CTNND2: variants seen among roughly 807,000 people sequenced by gnomAD.
The protein encoded by CTNND2 is catenin delta 2, also known as catenin delta-2.
CTNND2 carries 22 observed loss-of-function variants against 144.4 expected under a neutral mutation model. The ratio of observed to expected loss-of-function variants is 0.15; its 90% confidence interval spans 0.11 to 0.22. CTNND2 has a LOEUF of 0.22. Ranked by LOEUF, CTNND2 falls within the 10% of genes least tolerant of loss-of-function variation. The pLI, the probability that CTNND2 is intolerant of heterozygous loss-of-function variation, is 1.00. For missense variants in CTNND2, 1,353 were observed against 1,618.8 expected (o/e 0.84, Z 2.82); for synonymous variants, 751 against 695.6 (o/e 1.08, Z -1.25).
chr5:11,778,251 T>C (rs570548217), intron 1 of CTNND2, among the ~76,000 whole-genome samples: 1 of 152,198 alleles, frequency 6.6e-6, no homozygotes, highest in Admixed American at 6.5e-5. Context: ...TCTCTCAAAA[T>C]GCACATCATG....
At chr5:11,647,622 CCTAATGTTCTCACAAA>C (rs1287997507) in intron 2 of CTNND2, among the ~76,000 whole-genome samples, 1 of 151,988 alleles carries the variant, frequency 6.6e-6, no homozygotes, top group East Asian at 1.9e-4. Flanking sequence ...AACTCACACC[CCTAATGTTCTCACAAA>C]CAATTCCTGC....
intron 18 of CTNND2, among the ~76,000 whole-genome samples, chr5:11,002,616 T>G (rs994053215): frequency 1.6e-4 from 24 of 152,174 alleles, no homozygotes; most frequent in African/African-American, 5.1e-4. Context: ...TACCAAATCC[T>G]CATTAAGGTG....
chr5:11,867,451 C>T (rs1795824900), intron 1 of CTNND2, among the ~76,000 whole-genome samples: 1 of 152,174 alleles, frequency 6.6e-6, no homozygotes, highest in African/African-American at 2.4e-5. Flanking sequence ...TTAAGATTTT[C>T]TCTCTCTTCC....
chr5:11,241,144 C>A (rs1742395417), intron 9 of CTNND2, among the ~76,000 whole-genome samples: 1 of 151,394 alleles, frequency 6.6e-6, no homozygotes, highest in African/African-American at 2.4e-5. Flanking sequence ...ACACACCCAA[C>A]ATACACTCAC....
intron 3 of CTNND2, among the ~76,000 whole-genome samples, chr5:11,522,154 T>C (rs1015062004): frequency 6.6e-6 from 1 of 152,240 alleles, no homozygotes; most frequent in African/African-American, 2.4e-5. Context: ...AGAGCACTTA[T>C]TTAATTTGGT....
At chr5:11,749,453 C>T (rs2126782245) in intron 1 of CTNND2, among the ~76,000 whole-genome samples, 1 of 152,028 alleles carries the variant, frequency 6.6e-6, no homozygotes, top group South Asian at 2.1e-4. Context: ...ATATGCCAGG[C>T]CAGAGATTCT....
chr5:11,129,946 T>C (rs1044858463), intron 12 of CTNND2, among the ~76,000 whole-genome samples: 1 of 152,186 alleles, frequency 6.6e-6, no homozygotes. Flanking sequence ...TCTTGACTTC[T>C]CTCTCTCCAT....
chr5:11,741,484 T>G (rs1193604534), intron 1 of CTNND2, among the ~76,000 whole-genome samples: 2 of 151,698 alleles, frequency 1.3e-5, no homozygotes, highest in Non-Finnish European at 2.9e-5. Flanking sequence ...AAGCAAACAC[T>G]GCATGTTCTC....
intron 1 of CTNND2, among the ~76,000 whole-genome samples, chr5:11,887,311 G>C (rs1278541161): frequency 2.0e-5 from 3 of 151,894 alleles, no homozygotes; most frequent in Admixed American, 6.6e-5. Flanking sequence ...AAATAATTTT[G>C]AGTACTTATT....
intron 3 of CTNND2, among the ~76,000 whole-genome samples, chr5:11,497,517 G>T (rs920429145): frequency 1.0e-4 from 6 of 58,762 alleles, no homozygotes; most frequent in Admixed American, 1.6e-4. Flanking sequence ...TGTGCGGGGG[G>T]GTGGGGGGGG....
At chr5:11,442,876 ATAT>A (rs991682219) in intron 3 of CTNND2, among the ~76,000 whole-genome samples, 3 of 133,596 alleles carry the variant, frequency 2.2e-5, no homozygotes, top group South Asian at 2.1e-4. Context: ...ATTATTATAA[ATAT>A]TATATATATT....
chr5:11,701,558 A>G (rs1418957555), intron 2 of CTNND2, among the ~76,000 whole-genome samples: 2 of 152,226 alleles, frequency 1.3e-5, no homozygotes, highest in Admixed American at 6.5e-5. Flanking sequence ...TGAGTTTTCT[A>G]CATTATATAT....
At chr5:11,302,037 C>T (rs1749664942) in intron 9 of CTNND2, among the ~76,000 whole-genome samples, 1 of 152,102 alleles carries the variant, frequency 6.6e-6, no homozygotes, top group Non-Finnish European at 1.5e-5. Flanking sequence ...CCTTGGCACA[C>T]CATGAGCTGG....
intron 16 of CTNND2, among the ~76,000 whole-genome samples, chr5:11,052,032 G>C (rs1406299257): frequency 6.6e-6 from 1 of 152,186 alleles, no homozygotes; most frequent in African/African-American, 2.4e-5. Flanking sequence ...GTGGTTTCAA[G>C]CGGGCCGGGG....
chr5:11,627,604 T>G (rs1781221478), intron 2 of CTNND2, among the ~76,000 whole-genome samples: 1 of 151,958 alleles, frequency 6.6e-6, no homozygotes, highest in African/African-American at 2.4e-5. Context: ...TATTTGCTAT[T>G]TCAAATGATG....
intron 3 of CTNND2, among the ~76,000 whole-genome samples, chr5:11,488,276 T>C (rs10068648): frequency 0.018 from 2,710 of 152,322 alleles, 80 homozygotes; most frequent in African/African-American, 0.062. Flanking sequence ...ATGGATCAGA[T>C]GTATTATGAA....
At chr5:11,538,489 G>A (rs1370919529) in intron 3 of CTNND2, among the ~76,000 whole-genome samples, 1 of 152,034 alleles carries the variant, frequency 6.6e-6, no homozygotes, top group Admixed American at 6.5e-5. Context: ...GTATACACAG[G>A]GCAAAAGAAG....
intron 13 of CTNND2, among the ~76,000 whole-genome samples, chr5:11,116,221 C>T (rs1195056928): frequency 3.3e-5 from 5 of 152,164 alleles, no homozygotes; most frequent in Non-Finnish European, 7.3e-5. Context: ...GGATTAAGGT[C>T]ACGGTTCATA....
intron 1 of CTNND2, among the ~76,000 whole-genome samples, chr5:11,896,425 T>A (rs962988724): frequency 6.6e-6 from 1 of 152,174 alleles, no homozygotes; most frequent in African/African-American, 2.4e-5. Flanking sequence ...TCAATGAGCA[T>A]GCACTACTTT....
Sources: gnomAD v4.1 joint callset for allele counts (sites outside exome capture counted in the v4.1 genomes callset) on GRCh38, gnomAD v4.1.1 for gene constraint, MANE v1.5 for transcripts, NCBI Gene and HGNC (gene_info 2026-07-23, HGNC 2026-07-21) for gene names.